Variants in ITSN2 observed in about 807,000 individuals in gnomAD.
ITSN2 encodes intersectin-2.
In ITSN2, 156 loss-of-function variants were observed where a neutral mutation model predicts 243.7. That is an observed-to-expected ratio of 0.64 (90% CI 0.56 to 0.73). ITSN2 has a LOEUF of 0.73. Among genes scored for constraint, ITSN2 ranks in the 30% least tolerant of loss-of-function variants. The pLI is 0.00. For synonymous variants in ITSN2, 703 were observed against 699.9 expected, an observed-to-expected ratio of 1.00 and a Z score of -0.07; for missense variants, 1,801 against 1,996.1, an observed-to-expected ratio of 0.90 and a Z score of 1.86.
At chr2:24,290,610 T>A (rs1680123552) in intron 15 of ITSN2, among the ~76,000 whole-genome samples, 1 of 152,204 alleles carries the variant, frequency 6.6e-6, no homozygotes, top group Non-Finnish European at 1.5e-5. Flanking sequence ...GTTTTTATGT[T>A]TAGCCTCCTA....
chr2:24,260,931 A>G (rs1310151325), intron 22 of ITSN2, among the ~76,000 whole-genome samples, 175 bp downstream of exon 22: 3 of 147,986 alleles, frequency 2.0e-5, no homozygotes, highest in Non-Finnish European at 4.5e-5. Flanking sequence ...AATTGTTGAG[A>G]AACCTCTAAG....
intron 1 of ITSN2, among the ~76,000 whole-genome samples, chr2:24,336,705 G>A (rs1686416500): frequency 6.6e-6 from 1 of 152,100 alleles, no homozygotes; most frequent in Non-Finnish European, 1.5e-5. Context: ...TCTCCTATGT[G>A]TGTCCATACA....
At chr2:24,243,210 T>C (rs1047824568) in intron 29 of ITSN2, among the ~76,000 whole-genome samples, 30 of 152,198 alleles carry the variant, frequency 2.0e-4, no homozygotes, top group African/African-American at 6.5e-4. Context: ...GCAATTGTTA[T>C]ATTTATCTGA....
chr2:24,205,283 T>C lies in ITSN2; in HGVS notation c.4693A>G (p.Thr1565Ala). The stretch of plus-strand genomic sequence containing the variant: ...ACCATCAGGCGCCCAATGCCTGAAG[T>C]CTTTTGGGAGCGGGCTACAAAAGAG... ...EKAYQARSQK[T>A]SGIGRLMVHV... Residue 1565 changes from threonine (T) to alanine (A), a missense_variant, in exon 38 of 40, where the codon ACT (threonine) becomes GCT (alanine). By Grantham distance (58) the Thr-to-Ala change is moderately conservative (BLOSUM62 0). Coordinates refer to ENST00000355123, the MANE Select transcript of ITSN2 (RefSeq NM_006277.3). 6.2e-7 allele frequency: 1 copy of C among 1,613,816 alleles called. No homozygotes were observed. The highest frequency in any genetic ancestry group is 1.3e-5 in the African/African-American group (1 of 75,030).
At chr2:24,220,562 G>A in intron 30 of ITSN2, 1 of 1,052,822 alleles carries the variant, frequency 9.5e-7, no homozygotes, top group East Asian at 7.4e-5. Flanking sequence ...AATGTCAGAT[G>A]TTAAAACAGA....
At chr2:24,271,282 GTTTAC>G (rs1195120884) in intron 19 of ITSN2, among the ~76,000 whole-genome samples, 1 of 152,110 alleles carries the variant, frequency 6.6e-6, no homozygotes, top group African/African-American at 2.4e-5. Flanking sequence ...GAATAAAATT[GTTTAC>G]TTTGTTCATC....
At chr2:24,256,528 C>T (rs749390714) in intron 23 of ITSN2, among the ~76,000 whole-genome samples, 2 of 152,178 alleles carry the variant, frequency 1.3e-5, no homozygotes. Flanking sequence ...TTACCCATAG[C>T]TATATTATAG....
chr2:24,333,198 C>G (rs1375975733), intron 1 of ITSN2, among the ~76,000 whole-genome samples: 1 of 152,200 alleles, frequency 6.6e-6, no homozygotes, highest in East Asian at 1.9e-4. Context: ...CTCTTCCTCT[C>G]TTAAATGGAG....
Position 24,209,085 on chromosome 2 carries a change from A to G in ITSN2, c.4595+15T>C, listed in dbSNP as rs1669220489. The G allele has an allele frequency of 8.1e-6, 13 of 1,613,166 alleles. No individual in the cohort carries two copies. The highest frequency in any genetic ancestry group is 1.1e-5 in the South Asian group (1 of 91,040). On this transcript the variant is annotated intron_variant, in intron 36 of 39. Transcript: ENST00000355123. ...TCCCAGAGTTCAAGGCAGGCCACACATGGTCAGGACTGACCTCTCATTAAT... is the reference window on the plus strand; with the variant it reads ...TCCCAGAGTTCAAGGCAGGCCACACGTGGTCAGGACTGACCTCTCATTAAT...
chr2:24,242,678 C>T (rs1168186279), intron 29 of ITSN2, among the ~76,000 whole-genome samples: 1 of 152,082 alleles, frequency 6.6e-6, no homozygotes, highest in Non-Finnish European at 1.5e-5. Context: ...AAAATCGGTA[C>T]GCCTCACTTT....
In ITSN2 at chr2:24,308,633, C is replaced by T. The variant is rs1456388560; in HGVS notation, c.777G>A (p.Met259Ile). 2.0e-6 allele frequency: 3 copies of T among 1,511,338 alleles called. No homozygotes were observed. The highest frequency in any genetic ancestry group is 2.7e-6 in the Non-Finnish European group (3 of 1,125,096). The allele number at this position is 1,511,338 out of a possible 1,614,324, so 93.6% of individuals were successfully genotyped here. ...RQKFNTLDKS[M>I]SGYLSGFQAR... is the part of the protein sequence containing the mutation. ...GCTGCTTACCTGAGAGATATCCACT[C>T]ATACTTTTGTCAAGAGTATTAAATT... is the stretch of plus-strand genomic sequence containing the variant. Residue 259 changes from methionine to isoleucine, a missense_variant, in exon 8 of 40, where the codon ATG becomes ATA. Met to Ile is a conservative substitution (Grantham distance 10). This residue lies in a region of ITSN2 where 787 missense variants were observed against 803.9 expected (regional missense o/e 0.98). Coordinates refer to ENST00000355123, the MANE Select transcript of ITSN2 (RefSeq NM_006277.3).
Position 24,293,510 on chromosome 2 carries a change from T to C in ITSN2, c.1723+178A>G, listed in dbSNP as rs1680543901. On this transcript the variant is annotated intron_variant, in intron 15 of 39. Transcript: ENST00000355123. ...CTATTTTATTTTTATCTACTTTTTA[T>C]CACTAAAAATGCTCTAACATCTGGG... The C allele has an allele frequency of 8.0e-6, 3 of 375,882 alleles. No homozygotes were observed. In the East Asian group the frequency reaches 1.4e-4, roughly 17 times the overall value. The allele number at this position is 375,882 out of a possible 1,614,324, so 23.3% of individuals were successfully genotyped here. A position where few individuals can be genotyped will look rare whatever the true frequency, so the allele number is the denominator to read the frequency against.
At chr2:24,283,261 G>A (rs2151537446) in intron 17 of ITSN2, among the ~76,000 whole-genome samples, 1 of 151,122 alleles carries the variant, frequency 6.6e-6, no homozygotes, top group Admixed American at 6.6e-5. Context: ...TTTTGCTCTT[G>A]TTGACCAGGC....
At chr2:24,283,258 CTT>C (rs1679045569) in intron 17 of ITSN2, among the ~76,000 whole-genome samples, 2 of 151,410 alleles carry the variant, frequency 1.3e-5, no homozygotes, top group South Asian at 2.1e-4. Context: ...GAGTTTTGCT[CTT>C]GTTGACCAGG....
At chr2:24,213,800 C>T (rs993116080) in intron 32 of ITSN2, among the ~76,000 whole-genome samples, 2 of 152,174 alleles carry the variant, frequency 1.3e-5, no homozygotes, top group African/African-American at 4.8e-5. Context: ...GTCTTGGTTT[C>T]CATGTTTCTT....
At chr2:24,310,794 A>G (rs960786874) in intron 5 of ITSN2, 102 bp from the exon 6 acceptor site, 3 of 871,802 alleles carry the variant, frequency 3.4e-6, no homozygotes, top group African/African-American at 3.4e-5. Context: ...TATGTTTACC[A>G]AAACACACAG....
intron 8 of ITSN2, among the ~76,000 whole-genome samples, chr2:24,304,832 A>G (rs1350830975): frequency 1.3e-5 from 2 of 152,196 alleles, no homozygotes; most frequent in Non-Finnish European, 2.9e-5. Flanking sequence ...TGTGTGAGGC[A>G]AAGTCTGAGT....
chr2:24,350,439 G>A (rs1687921876), intron 1 of ITSN2, among the ~76,000 whole-genome samples: 1 of 152,086 alleles, frequency 6.6e-6, no homozygotes, highest in African/African-American at 2.4e-5. Context: ...GTTAAACATA[G>A]GTTACCATGT....
chr2:24,299,925 T>C lies in ITSN2; in HGVS notation c.1328A>G (p.Asp443Gly), dbSNP rs1341896729. ...AAAAATAACCTCTCGTCTTTCTATG[T>C]CTTTTCTCCTTTCTTCCTCTCGTTG... ...ERQREEERRK[D>G]IERREAAKQE... Residue 443 changes from aspartate to glycine, a missense_variant, in exon 12 of 40, where the codon GAC becomes GGC. Physicochemically the swap from Asp to Gly is moderately conservative, Grantham distance 94. Coordinates refer to ENST00000355123, the MANE Select transcript of ITSN2 (RefSeq NM_006277.3). The C allele has an allele frequency of 6.2e-7, 1 of 1,606,644 alleles. No individual in the cohort carries two copies. Among genetic ancestry groups the C allele is most frequent in the Non-Finnish European group, 8.5e-7 (1 of 1,177,814 alleles).
Sources: gnomAD v4.1 joint callset for allele counts (sites outside exome capture counted in the v4.1 genomes callset) on GRCh38, gnomAD v4.1.1 for gene constraint, gnomAD v4.1.1 regional missense constraint, MANE v1.5 for transcripts, NCBI Gene and HGNC (gene_info 2026-07-23, HGNC 2026-07-21) for gene names.